The following HS3ST4 variants were observed in gnomAD, a reference collection of about 807,000 sequenced individuals.
HS3ST4 encodes the protein heparan sulfate glucosamine 3-O-sulfotransferase 4.
Under a neutral mutation model 29.2 loss-of-function variants are expected in HS3ST4, and 17 were observed. That is an observed-to-expected ratio of 0.58 (90% CI 0.40 to 0.87). The LOEUF (loss-of-function observed/expected upper bound fraction) is 0.87. Ranked by LOEUF, HS3ST4 falls within the 40% of genes least tolerant of loss-of-function variation. The pLI, the probability that HS3ST4 is intolerant of heterozygous loss-of-function variation, is 0.00. For synonymous variants in HS3ST4, 314 were observed against 285.7 expected, an observed-to-expected ratio of 1.10 and a Z score of -1.00; for missense variants, 627 against 634.5, an observed-to-expected ratio of 0.99 and a Z score of 0.13.
chr16:26,088,794 C>T (rs4520841), intron 1 of HS3ST4, among the ~76,000 whole-genome samples: 81,092 of 152,044 alleles, frequency 0.53, 22,413 homozygotes, highest in African/African-American at 0.67. Context: ...CTCCAGTTAG[C>T]GATCATGAGG....
chr16:25,917,793 TC>T (rs1366412826), intron 1 of HS3ST4, among the ~76,000 whole-genome samples: 1 of 152,230 alleles, frequency 6.6e-6, no homozygotes, highest in African/African-American at 2.4e-5. Context: ...AGACAGACTT[TC>T]TGTAATCTGC....
intron 1 of HS3ST4, among the ~76,000 whole-genome samples, chr16:25,854,634 C>T (rs568364623): frequency 3.6e-4 from 54 of 152,108 alleles, no homozygotes; most frequent in African/African-American, 9.6e-4. Flanking sequence ...CTGGTTCAAA[C>T]GCCTCTGACA....
chr16:26,017,648 A>C (rs532184443), intron 1 of HS3ST4, among the ~76,000 whole-genome samples: 83 of 152,350 alleles, frequency 5.4e-4, no homozygotes, highest in African/African-American at 1.8e-3. Flanking sequence ...CGTATCAGAA[A>C]GGTATTTCTT....
chr16:26,101,646 A>G (rs1002096347), intron 1 of HS3ST4, among the ~76,000 whole-genome samples: 6 of 152,222 alleles, frequency 3.9e-5, no homozygotes, highest in Non-Finnish European at 7.3e-5. Flanking sequence ...ACTTATATGC[A>G]TAGTATCTGG....
chr16:25,917,392 T>C (rs1968303517), intron 1 of HS3ST4, among the ~76,000 whole-genome samples: 2 of 152,114 alleles, frequency 1.3e-5, no homozygotes, highest in South Asian at 4.1e-4. Flanking sequence ...TTTGTATTTT[T>C]AGTAGAGATG....
intron 1 of HS3ST4, among the ~76,000 whole-genome samples, chr16:26,014,856 A>T (rs1193997097): frequency 6.6e-6 from 1 of 152,154 alleles, no homozygotes; most frequent in Non-Finnish European, 1.5e-5. Context: ...AAAGGGGTTG[A>T]ATTAGGATTT....
intron 1 of HS3ST4, among the ~76,000 whole-genome samples, chr16:26,004,232 G>A (rs981947122): frequency 6.6e-6 from 1 of 152,104 alleles, no homozygotes; most frequent in African/African-American, 2.4e-5. Context: ...AGCAGTAAGG[G>A]GTGTTGGATA....
Position 26,136,361 on chromosome 16 carries a change from C to T in HS3ST4, c.*113C>T. On this transcript the variant is annotated 3_prime_UTR_variant, in exon 2 of 2. Transcript: ENST00000331351. ...TGCTGGAGTGCCAAGTAGATCTCCT[C>T]CTCCTTCATGCAGCCAGGATTGCCT... 4 of 1,004,562 alleles carry T rather than the reference C, an allele frequency of 4.0e-6. No individual in the cohort carries two copies. Among genetic ancestry groups the T allele is most frequent in the Middle Eastern group, 2.5e-4 (1 of 4,072 alleles). 62.2% of individuals were successfully genotyped at this position (1,004,562 alleles called of 1,614,324 possible). A position where few individuals can be genotyped will look rare whatever the true frequency, so the allele number is the denominator to read the frequency against.
chr16:25,740,091 G>A (rs1203092019), intron 1 of HS3ST4, among the ~76,000 whole-genome samples: 1 of 152,020 alleles, frequency 6.6e-6, no homozygotes, highest in African/African-American at 2.4e-5. Flanking sequence ...ATCTGTAGTT[G>A]GATGATCGTC....
intron 1 of HS3ST4, among the ~76,000 whole-genome samples, chr16:26,053,195 A>G (rs1053980083): frequency 4.6e-5 from 7 of 152,220 alleles, no homozygotes; most frequent in African/African-American, 1.7e-4. Flanking sequence ...GCTCCCCTCA[A>G]CAATCAATGA....
intron 1 of HS3ST4, chr16:26,025,425 T>C (rs1969459790): frequency 1.3e-5 from 2 of 154,332 alleles, no homozygotes; most frequent in South Asian, 2.0e-4. Flanking sequence ...CGTGCTCTTC[T>C]TTTGAAGGGA....
intron 1 of HS3ST4, among the ~76,000 whole-genome samples, chr16:25,951,132 G>C (rs935525643): frequency 6.6e-6 from 1 of 152,152 alleles, no homozygotes; most frequent in African/African-American, 2.4e-5. Flanking sequence ...GCATCATTTG[G>C]TGCTGGGTGG....
intron 1 of HS3ST4, among the ~76,000 whole-genome samples, chr16:25,929,895 T>C (rs1968446278): frequency 6.6e-6 from 1 of 152,244 alleles, no homozygotes. Flanking sequence ...GATTATTTTG[T>C]CACCCTGGTA....
At chr16:25,828,276 CTTTCTTTCTTTCTTTCTTTCTTT>C (rs1567249406) in intron 1 of HS3ST4, among the ~76,000 whole-genome samples, 3 of 88,170 alleles carry the variant, frequency 3.4e-5, no homozygotes, top group South Asian at 4.6e-4. Flanking sequence ...TTCTTTCTTT[CTTTCTTTCTTTCTTTCTTTCTTT>C]CCCTCTCTCT....
chr16:25,830,258 T>C (rs1248439364), intron 1 of HS3ST4, among the ~76,000 whole-genome samples: 3 of 152,228 alleles, frequency 2.0e-5, no homozygotes, highest in African/African-American at 7.2e-5. Context: ...TGGTTATCAA[T>C]GTAAGATCAG....
intron 1 of HS3ST4, among the ~76,000 whole-genome samples, chr16:25,748,953 A>G (rs936434105): frequency 1.3e-5 from 2 of 152,142 alleles, no homozygotes; most frequent in African/African-American, 2.4e-5. Flanking sequence ...TATTCTTCCC[A>G]TTTTCTGATA....
intron 1 of HS3ST4, among the ~76,000 whole-genome samples, chr16:25,878,152 AG>A (rs955443263): frequency 6.6e-6 from 1 of 152,166 alleles, no homozygotes; most frequent in Non-Finnish European, 1.5e-5. Flanking sequence ...CACCAATTTC[AG>A]TTTCTTCATT....
chr16:25,751,489 A>G (rs966110466), intron 1 of HS3ST4, among the ~76,000 whole-genome samples: 1 of 152,202 alleles, frequency 6.6e-6, no homozygotes, highest in Non-Finnish European at 1.5e-5. Flanking sequence ...TGCTGGAGTG[A>G]CATTGATTAT....
intron 1 of HS3ST4, among the ~76,000 whole-genome samples, chr16:25,894,731 C>T (rs1968042770): frequency 6.6e-6 from 1 of 152,052 alleles, no homozygotes. Context: ...GTCTCGAACT[C>T]CGGACCTCAG....
Sources: gnomAD v4.1 joint callset for allele counts (sites outside exome capture counted in the v4.1 genomes callset) on GRCh38, gnomAD v4.1.1 for gene constraint, MANE v1.5 for transcripts, NCBI Gene and HGNC (gene_info 2026-07-23, HGNC 2026-07-21) for gene names.